The following EGFR variants were observed in gnomAD, a reference collection of about 807,000 sequenced individuals.
EGFR encodes epidermal growth factor receptor.
EGFR carries 58 observed loss-of-function variants against 143.0 expected under a neutral mutation model. That is an observed-to-expected ratio of 0.41 (90% confidence interval 0.33 to 0.50). The LOEUF is 0.50. Ranked by LOEUF, EGFR falls within the 20% of genes least tolerant of loss-of-function variation. The pLI is 0.39. For synonymous variants in EGFR, 613 were observed against 594.4 expected (o/e 1.03, Z -0.45); for missense variants, 1,307 against 1,579.0 (o/e 0.83, Z 2.92).
At chr7:55,030,523 G>A (rs1035583035) in intron 1 of EGFR, among the ~76,000 whole-genome samples, 1 of 152,096 alleles carries the variant, frequency 6.6e-6, no homozygotes, top group Admixed American at 6.5e-5. Flanking sequence ...TCAACGTTGT[G>A]TCATCAACTT....
intron 22 of EGFR, among the ~76,000 whole-genome samples, chr7:55,196,907 G>C (rs1032423943): frequency 3.3e-5 from 5 of 152,064 alleles, no homozygotes; most frequent in African/African-American, 9.6e-5. Context: ...TGCTGTTTTG[G>C]TTACTGTATC....
chr7:55,094,949 T>A (rs1791355337), intron 1 of EGFR, among the ~76,000 whole-genome samples: 1 of 152,172 alleles, frequency 6.6e-6, no homozygotes, highest in Non-Finnish European at 1.5e-5. Flanking sequence ...ACCATAAACC[T>A]CTCCATAGGT....
intron 1 of EGFR, among the ~76,000 whole-genome samples, chr7:55,070,090 A>G (rs2128883292): frequency 6.6e-6 from 1 of 152,366 alleles, no homozygotes; most frequent in South Asian, 2.1e-4. Flanking sequence ...TAGGAAAAAA[A>G]GCTTTAATTA....
Position 55,134,343 on chromosome 7 carries a change from G to A in EGFR, c.89-7943G>A, listed in dbSNP as rs567510878. ...CCAGTTCCAGGACTCAGGACTCAGC[G>A]AGGCCCACCCCAGCCACATGCAGGT... On this transcript the variant is annotated intron_variant, in intron 1 of 27. Coordinates refer to ENST00000275493, the MANE Select transcript of EGFR (RefSeq NM_005228.5). 2.3e-4 allele frequency among the ~76,000 whole-genome samples: 34 copies of A among 150,292 alleles called. No individual in the cohort carries two copies. The South Asian group carries it at 5.1e-3, about 22-fold the overall frequency.
chr7:55,206,296 G>A lies in EGFR; in HGVS notation c.*679G>A, dbSNP rs934609860. 1 of 235,070 alleles carries A rather than the reference G, an allele frequency of 4.3e-6. No individual in the cohort carries two copies. Among genetic ancestry groups the A allele is most frequent in the Admixed American group, 5.5e-5 (1 of 18,114 alleles). The allele number at this position is 235,070 out of a possible 1,614,324, so 14.6% of individuals were successfully genotyped here. On this transcript the variant is annotated 3_prime_UTR_variant, in exon 28 of 28. Coordinates refer to ENST00000275493, the MANE Select transcript of EGFR (RefSeq NM_005228.5). Reference sequence around the variant, plus strand: ...TTACTTTTGTAAAAATGTCCCCACGGTACTTACTCCCCACTGATGGACCAG... The same window carrying A: ...TTACTTTTGTAAAAATGTCCCCACGATACTTACTCCCCACTGATGGACCAG...
chr7:55,031,847 A>G (rs1230641818), intron 1 of EGFR, among the ~76,000 whole-genome samples: 1 of 152,192 alleles, frequency 6.6e-6, no homozygotes, highest in Non-Finnish European at 1.5e-5. Context: ...TTGGAAAAGG[A>G]AAATATTAGC....
intron 27 of EGFR, among the ~76,000 whole-genome samples, chr7:55,204,610 CCA>C (rs752504162): frequency 2.0e-4 from 28 of 136,634 alleles, no homozygotes; most frequent in South Asian, 5.0e-4. Context: ...CGTACACACA[CCA>C]CACACACACC....
At chr7:55,194,906 T>G (rs1484258566) in intron 22 of EGFR, among the ~76,000 whole-genome samples, 5 of 152,270 alleles carry the variant, frequency 3.3e-5, no homozygotes, top group Non-Finnish European at 5.9e-5. Context: ...ATATCCTGTT[T>G]TCTCTACTCT....
At chr7:55,073,532 T>C (rs1789954529) in intron 1 of EGFR, among the ~76,000 whole-genome samples, 1 of 152,246 alleles carries the variant, frequency 6.6e-6, no homozygotes, top group African/African-American at 2.4e-5. Flanking sequence ...GCTCACATTT[T>C]GTATATGGCC....
intron 1 of EGFR, among the ~76,000 whole-genome samples, chr7:55,107,906 A>T (rs1792234500): frequency 2.0e-5 from 3 of 152,234 alleles, no homozygotes; most frequent in Non-Finnish European, 4.4e-5. Flanking sequence ...ATGGTACTAT[A>T]CTATGTATAA....
intron 1 of EGFR, among the ~76,000 whole-genome samples, chr7:55,123,089 C>T (rs895023460): frequency 6.6e-6 from 1 of 152,158 alleles, no homozygotes; most frequent in South Asian, 2.1e-4. Flanking sequence ...AAGACTAGGT[C>T]AGGAATTCTT....
At chr7:55,045,247 A>G (rs1010660050) in intron 1 of EGFR, among the ~76,000 whole-genome samples, 1 of 152,238 alleles carries the variant, frequency 6.6e-6, no homozygotes, top group Non-Finnish European at 1.5e-5. Context: ...ATCATATATT[A>G]TGAGTTATTG....
chr7:55,044,662 G>A (rs956338373), intron 1 of EGFR, among the ~76,000 whole-genome samples: 1 of 152,240 alleles, frequency 6.6e-6, no homozygotes, highest in African/African-American at 2.4e-5. Flanking sequence ...CTGAAGTCCA[G>A]CTTGAAAAGC....
At chr7:55,125,457 G>A (rs1793468032) in intron 1 of EGFR, among the ~76,000 whole-genome samples, 1 of 152,212 alleles carries the variant, frequency 6.6e-6, no homozygotes, top group South Asian at 2.1e-4. Flanking sequence ...CCAGAAGCCA[G>A]GCTCATTTCC....
intron 1 of EGFR, among the ~76,000 whole-genome samples, chr7:55,080,315 A>G (rs1790389503): frequency 6.6e-6 from 1 of 152,066 alleles, no homozygotes; most frequent in South Asian, 2.1e-4. Flanking sequence ...TGTTTTTAGT[A>G]ACTGCCAGTC....
intron 1 of EGFR, among the ~76,000 whole-genome samples, chr7:55,064,287 CA>C (rs780232166): frequency 1.3e-5 from 2 of 152,204 alleles, no homozygotes. Flanking sequence ...TGTTCTTCCC[CA>C]CTAGAAGCCA....
intron 19 of EGFR, among the ~76,000 whole-genome samples, chr7:55,177,403 C>A (rs1360977902): frequency 1.3e-5 from 2 of 152,204 alleles, no homozygotes; most frequent in Non-Finnish European, 2.9e-5. Flanking sequence ...CACATGCACG[C>A]ATGCACGGCA....
At chr7:55,033,081 C>T (rs903558879) in intron 1 of EGFR, among the ~76,000 whole-genome samples, 2 of 152,174 alleles carry the variant, frequency 1.3e-5, no homozygotes, top group Admixed American at 6.5e-5. Flanking sequence ...ATTTTTATAG[C>T]AGGCTAAAGA....
At chr7:55,156,414 A>G in intron 8 of EGFR, 119 bp from the exon 9 acceptor site, 4 of 1,390,922 alleles carry the variant, frequency 2.9e-6, no homozygotes, top group Non-Finnish European at 1.0e-6. Context: ...ATGAAGGATG[A>G]TGTGGCAGTG....
Sources: gnomAD v4.1 joint callset for allele counts (sites outside exome capture counted in the v4.1 genomes callset) on GRCh38, gnomAD v4.1.1 for gene constraint, MANE v1.5 for transcripts, NCBI Gene and HGNC (gene_info 2026-07-23, HGNC 2026-07-21) for gene names.